LRRC36: variants seen among roughly 807,000 people sequenced by gnomAD.
LRRC36 encodes leucine rich repeat containing 36.
A neutral mutation model predicts 81.1 loss-of-function variants in LRRC36; 62 were observed. The ratio of observed to expected loss-of-function variants is 0.76; its 90% CI spans 0.62 to 0.94. The LOEUF is 0.94. Ranked by LOEUF, LRRC36 falls within the 40% of genes least tolerant of loss-of-function variation. The probability of loss-of-function intolerance (pLI) is 0.00; values close to 1 mark genes in which losing one functional copy is unlikely to be tolerated. For missense variants in LRRC36, 761 were observed against 881.7 expected (o/e 0.86, Z 1.73); for synonymous variants, 334 against 348.6 (o/e 0.96, Z 0.47).
chr16:67,336,789 G>A (rs926098452), intron 1 of LRRC36: 2 of 151,544 alleles, frequency 1.3e-5, no homozygotes, highest in Non-Finnish European at 2.9e-5. Context: ...TATGGAAATA[G>A]GGTAATCTTA....
intron 1 of LRRC36, among the ~76,000 whole-genome samples, chr16:67,328,660 T>C (rs1393418653): frequency 1.3e-5 from 2 of 152,208 alleles, no homozygotes; most frequent in Non-Finnish European, 2.9e-5. Context: ...TCTCTACATA[T>C]ATAAGCATTT....
rs777101155 is a variant in LRRC36 at position 67,350,249 on chromosome 16, C to T, written c.536C>T (p.Ala179Val). ...MKNCVTGESS[A>V]SKVSANVDSR... ...AACTGTGTAACAGGTGAGAGCTCTG[C>T]ATCAAAAGTCAGTGCTAATGTTGAC... The change falls in exon 5 of 14, where the codon GCA becomes GTA. Residue 179 changes from alanine to valine, a missense_variant. Ala to Val is a moderately conservative substitution (Grantham distance 64). Around this residue, in one of 3 missense-constraint regions of LRRC36, gnomAD observed 263 missense variants for 279.3 expected, o/e 0.94. Transcript: ENST00000329956. 2 of 1,612,968 alleles carry T rather than the reference C, an allele frequency of 1.2e-6. No individual in the cohort carries two copies. The highest frequency in any genetic ancestry group is 1.7e-6 in the Non-Finnish European group (2 of 1,179,720).
At chr16:67,342,475 GTACATGGAGCA>G (rs1262698849) in intron 2 of LRRC36, among the ~76,000 whole-genome samples, 3 of 152,090 alleles carry the variant, frequency 2.0e-5, no homozygotes, top group Admixed American at 2.0e-4. Flanking sequence ...GATGATGGTG[GTACATGGAGCA>G]TACATGGAGA....
intron 8 of LRRC36, 82 bp downstream of exon 8, chr16:67,367,539 T>G: frequency 8.0e-7 from 1 of 1,252,186 alleles, no homozygotes; most frequent in Non-Finnish European, 1.1e-6. Flanking sequence ...GAATTAACCC[T>G]TCTGAAATTG....
In LRRC36 at chr16:67,342,053, A is replaced by G. The variant is rs1414729399; in HGVS notation, c.167A>G (p.Asp56Gly). 5.0e-6 allele frequency: 8 copies of G among 1,610,194 alleles called. No homozygotes were observed. The African/African-American group carries it at 5.3e-5, about 11-fold the overall frequency. ...FRNFKNLRSL[D>G]LSRNLITSLK... is the part of the protein sequence containing the mutation. ...AATTTTAAAAATCTCCGATCCTTAG[A>G]TTTATCAAGGAATTTGATCACTAGC... The change falls in exon 2 of 14, where the codon GAT (aspartate) becomes GGT (glycine). Residue 56 changes from aspartate to glycine, a missense_variant. This residue lies in a region of LRRC36 where 263 missense variants were observed against 279.3 expected (regional missense o/e 0.94). Coordinates refer to ENST00000329956, the MANE Select transcript of LRRC36 (RefSeq NM_018296.6).
At chr16:67,371,537 T>A (rs2039641992) in intron 9 of LRRC36, 4 of 413,022 alleles carry the variant, frequency 9.7e-6, no homozygotes, top group South Asian at 9.1e-5. Flanking sequence ...TCATCATATT[T>A]ACACATTTGC....
chr16:67,343,077 A>G (rs1041335583), intron 2 of LRRC36, among the ~76,000 whole-genome samples: 38 of 152,350 alleles, frequency 2.5e-4, no homozygotes, highest in African/African-American at 8.7e-4. Flanking sequence ...GTTCTTTCAC[A>G]GGTGATAGGA....
chr16:67,344,200 G>A (rs779194475), intron 2 of LRRC36, among the ~76,000 whole-genome samples: 1 of 152,156 alleles, frequency 6.6e-6, no homozygotes, highest in Non-Finnish European at 1.5e-5. Flanking sequence ...GTGATTATTT[G>A]TAGCGTAACT....
intron 2 of LRRC36, among the ~76,000 whole-genome samples, chr16:67,342,573 G>A (rs1446419298): frequency 1.3e-5 from 2 of 152,130 alleles, no homozygotes; most frequent in African/African-American, 2.4e-5. Context: ...ATTTAAGTCA[G>A]GGGATGATGG....
intron 1 of LRRC36, among the ~76,000 whole-genome samples, chr16:67,338,118 C>T (rs2037852465): frequency 6.6e-6 from 1 of 151,758 alleles, no homozygotes; most frequent in Non-Finnish European, 1.5e-5. Context: ...CCTCAAAGAG[C>T]TTTTGTTAAT....
chr16:67,352,081 T>A (rs1242042882), intron 5 of LRRC36, among the ~76,000 whole-genome samples: 1 of 152,242 alleles, frequency 6.6e-6, no homozygotes, highest in African/African-American at 2.4e-5. Context: ...TGTGCCATAT[T>A]ACTTCATTAA....
At position 67,372,289 on chromosome 16, in the gene LRRC36, G is replaced by A. The variant is rs372154679; in HGVS notation, c.1494+1047G>A. ...GGAGAATCACTTGAACCTGGGAGGC[G>A]GAGGTTGTGGTGAGCCGAGATCGCG... On this transcript the variant is annotated intron_variant, in intron 9 of 13. Transcript: ENST00000329956. 4.3e-4 allele frequency among the ~76,000 whole-genome samples: 66 copies of A among 151,770 alleles called. 1 individual carries two copies. The East Asian group carries it at 8.9e-3, about 21-fold the overall frequency.
At chr16:67,379,049 C>G (rs551057989) in intron 12 of LRRC36, among the ~76,000 whole-genome samples, 1 of 152,184 alleles carries the variant, frequency 6.6e-6, no homozygotes, top group Non-Finnish European at 1.5e-5. Flanking sequence ...AATATAACCC[C>G]ATGATCCAGC....
At chr16:67,378,066 C>A (rs1218718681) in intron 11 of LRRC36, among the ~76,000 whole-genome samples, 1 of 152,156 alleles carries the variant, frequency 6.6e-6, no homozygotes, top group Non-Finnish European at 1.5e-5. Flanking sequence ...GTAGATAACT[C>A]ATAAGAAAGA....
intron 9 of LRRC36, chr16:67,371,500 A>T (rs1009784084): frequency 6.3e-5 from 32 of 506,322 alleles, no homozygotes; most frequent in Non-Finnish European, 1.0e-4. Context: ...CTGAAGATTG[A>T]ACTCTGTAGC....
At chr16:67,352,641 TCTTATTTATTTA>T (rs1405452118) in intron 5 of LRRC36, among the ~76,000 whole-genome samples, 1 of 148,424 alleles carries the variant, frequency 6.7e-6, no homozygotes, top group African/African-American at 2.5e-5. Flanking sequence ...TAAATAAATG[TCTTATTTATTTA>T]TTTATTTATT....
intron 7 of LRRC36, 58 bp from the exon 8 acceptor site, chr16:67,366,959 C>T (rs1234921734): frequency 2.2e-6 from 3 of 1,387,690 alleles, no homozygotes; most frequent in African/African-American, 1.4e-5. Context: ...GAGGTACTCC[C>T]AGCTAGGCCA....
intron 1 of LRRC36, chr16:67,327,173 T>A: frequency 2.1e-5 from 8 of 377,962 alleles, no homozygotes; most frequent in East Asian, 4.3e-5. Context: ...AAGAGGGGAG[T>A]GTGAAGTAGG....
chr16:67,333,197 G>A (rs571637060), intron 1 of LRRC36, among the ~76,000 whole-genome samples: 8 of 152,136 alleles, frequency 5.3e-5, no homozygotes, highest in African/African-American at 1.4e-4. Flanking sequence ...GCAGTGGCCC[G>A]ACCTCAGCTC....
Sources: gnomAD v4.1 joint callset for allele counts (sites outside exome capture counted in the v4.1 genomes callset) on GRCh38, gnomAD v4.1.1 for gene constraint, gnomAD v4.1.1 regional missense constraint, MANE v1.5 for transcripts, NCBI Gene and HGNC (gene_info 2026-07-23, HGNC 2026-07-21) for gene names.